PLA2G4E: variants seen among roughly 807,000 people sequenced by gnomAD.
PLA2G4E encodes the protein cytosolic phospholipase A2 epsilon.
A neutral mutation model predicts 109.1 loss-of-function variants in PLA2G4E; 84 were observed. The ratio of observed to expected loss-of-function variants is 0.77; its 90% CI spans 0.65 to 0.92. PLA2G4E has a LOEUF of 0.92. PLA2G4E is among the 40% of genes least tolerant of loss of function. The probability of loss-of-function intolerance (pLI) is 0.00; values close to 1 mark genes in which losing one functional copy is unlikely to be tolerated. For synonymous variants in PLA2G4E, 469 were observed against 436.1 expected (o/e 1.08, Z -0.94); for missense variants, 1,057 against 1,076.6 (o/e 0.98, Z 0.25).
In PLA2G4E at chr15:41,984,364, ACT is replaced by A. The variant is rs921797279; in HGVS notation, c.2386+70_2386+71del. The A allele has an allele frequency of 4.8e-6, 7 of 1,456,480 alleles. No individual in the cohort carries two copies. In the African/African-American group the frequency reaches 9.9e-5, roughly 21 times the overall value. 90.2% of individuals were successfully genotyped at this position (1,456,480 alleles called of 1,614,324 possible). A position where few individuals can be genotyped will look rare whatever the true frequency, so the allele number is the denominator to read the frequency against. ...GGCTTCCCCGTTAGTGCCCTTAGAG[ACT>A]CTACAGATCTAAAGGCATTCCCGGG... On this transcript the variant is annotated intron_variant, in intron 19 of 19. Coordinates refer to ENST00000399518, the Ensembl canonical transcript of PLA2G4E.
exon 15 of PLA2G4E, chr15:41,989,421 T>G: frequency 6.2e-7 from 1 of 1,613,950 alleles, no homozygotes; most frequent in African/African-American, 1.3e-5. Context: ...TCACCTAGCA[T>G]GTAGCAGATT....
chr15:42,044,619 C>T (rs891424435), intron 1 of PLA2G4E, among the ~76,000 whole-genome samples: 5 of 107,540 alleles, frequency 4.6e-5, no homozygotes, highest in African/African-American at 1.5e-4. Flanking sequence ...GAACATCACA[C>T]ACTGGGGCCT....
chr15:41,984,605 G>A lies in PLA2G4E; in HGVS notation c.2217C>T (p.Thr739=), dbSNP rs116431025. The A allele has an allele frequency of 1.2e-3, 1,972 of 1,606,474 alleles. 20 individuals are homozygous for A. The African/African-American group carries it at 0.023, about 19-fold the overall frequency. The change falls in exon 19 of 20, where the codon ACC becomes ACT. Residue 739 remains threonine (T), a synonymous_variant. Coordinates refer to ENST00000399518, the Ensembl canonical transcript of PLA2G4E. ...TGTTCTGCACAGTGCAGTACTCACA[G>A]GTTTGTTTCAGGGGCTGGAACAGCA...
intron 14 of PLA2G4E, 28 bp from the exon 15 acceptor site, chr15:41,989,580 C>A: frequency 6.2e-7 from 1 of 1,602,600 alleles, no homozygotes; most frequent in South Asian, 1.1e-5. Context: ...GGACGGGGGT[C>A]AGTCTCAGGC....
intron 1 of PLA2G4E, among the ~76,000 whole-genome samples, chr15:42,031,681 A>G (rs1889116888): frequency 6.6e-6 from 1 of 152,104 alleles, no homozygotes; most frequent in Non-Finnish European, 1.5e-5. Context: ...ACCCACAACT[A>G]GACTCTGCCA....
At chr15:42,013,724 T>C in exon 2 of PLA2G4E, 1 of 1,550,562 alleles carries the variant, frequency 6.4e-7, no homozygotes. Flanking sequence ...CGGATGACCC[T>C]CACTGTCAAC....
chr15:42,041,768 G>T lies in PLA2G4E; in HGVS notation c.183+8753C>A, dbSNP rs184669860. 7.2e-5 allele frequency among the ~76,000 whole-genome samples: 11 copies of T among 152,308 alleles called. 1 individual carries two copies. In the South Asian group the frequency reaches 2.3e-3, roughly 32 times the overall value. On this transcript the variant is annotated intron_variant, in intron 1 of 19. Coordinates refer to ENST00000399518, the Ensembl canonical transcript of PLA2G4E. ...TTTGAGGGGAACTGGCTCTGTGTGTGTGTGTGGAGGGACAGAGCTGCATCA... is the reference window on the plus strand; with the variant it reads ...TTTGAGGGGAACTGGCTCTGTGTGTTTGTGTGGAGGGACAGAGCTGCATCA...
intron 14 of PLA2G4E, 60 bp from the exon 15 acceptor site, chr15:41,989,612 G>A (rs890595768): frequency 3.0e-5 from 47 of 1,552,740 alleles, no homozygotes; most frequent in East Asian, 4.8e-5. Flanking sequence ...CCACACAGCC[G>A]GGCCCCCCTC....
At position 41,989,407 on chromosome 15, in the gene PLA2G4E, G is replaced by A. The variant is rs989875119; in HGVS notation, c.1723+8C>T. The A allele has an allele frequency of 1.2e-6, 2 of 1,613,756 alleles. No homozygotes were observed. Among genetic ancestry groups the A allele is most frequent in the African/African-American group, 2.7e-5 (2 of 74,934 alleles). On this transcript the variant is annotated splice_region_variant and intron_variant, in intron 15 of 19. Coordinates refer to ENST00000399518, the Ensembl canonical transcript of PLA2G4E. ...CCCCTGTCATTCCGCCAGTTGCAAG[G>A]CAGTCACCTAGCATGTAGCAGATTC... is the stretch of plus-strand genomic sequence containing the variant.
exon 13 of PLA2G4E, chr15:41,992,792 C>T (rs755206760): frequency 1.2e-6 from 2 of 1,613,574 alleles, no homozygotes; most frequent in East Asian, 4.5e-5. Context: ...AAAGGTGACC[C>T]TGTAGCCTTC....
At chr15:42,043,511 T>C (rs1036638622) in intron 1 of PLA2G4E, among the ~76,000 whole-genome samples, 14 of 130,174 alleles carry the variant, frequency 1.1e-4, no homozygotes, top group African/African-American at 4.1e-4. Flanking sequence ...CACCTGCTAA[T>C]AGACACATCC....
At chr15:41,989,047 A>C (rs1328198211) in intron 15 of PLA2G4E, among the ~76,000 whole-genome samples, 1 of 152,274 alleles carries the variant, frequency 6.6e-6, no homozygotes, top group East Asian at 1.9e-4. Context: ...AGGCTGGGCT[A>C]GGCTTCTCTG....
intron 1 of PLA2G4E, among the ~76,000 whole-genome samples, chr15:42,016,873 G>A (rs2068600511): frequency 6.6e-6 from 1 of 152,214 alleles, no homozygotes; most frequent in Admixed American, 6.5e-5. Context: ...CCGGAGACTT[G>A]GGCCAAAAGC....
rs761159460 is a variant in PLA2G4E at position 41,999,607 on chromosome 15, G to A, written c.937-46C>T. 1.9e-6 allele frequency: 3 copies of A among 1,601,900 alleles called. No individual in the cohort carries two copies. In the East Asian group the frequency reaches 6.7e-5, roughly 36 times the overall value. On this transcript the variant is annotated intron_variant, in intron 9 of 19. Coordinates refer to ENST00000399518, the Ensembl canonical transcript of PLA2G4E. Reference sequence around the variant, plus strand: ...AGCTTGTCAGAGGTGACAATTCAGAGCCAAGTGATCCCAGATCCACACTGT... The same window carrying A: ...AGCTTGTCAGAGGTGACAATTCAGAACCAAGTGATCCCAGATCCACACTGT...
intron 1 of PLA2G4E, among the ~76,000 whole-genome samples, chr15:42,033,117 A>G (rs113839491): frequency 2.3e-3 from 346 of 152,056 alleles, no homozygotes; most frequent in Non-Finnish European, 3.7e-3. Flanking sequence ...GTGTGAGAGT[A>G]CTTGGGAGCG....
rs559196896 is a variant in PLA2G4E at position 42,046,094 on chromosome 15, A to G, written c.183+4427T>C. 6.6e-5 allele frequency among the ~76,000 whole-genome samples: 10 copies of G among 152,182 alleles called. No homozygotes were observed. In the South Asian group the frequency reaches 1.9e-3, roughly 28 times the overall value. The stretch of plus-strand genomic sequence containing the variant: ...GGAAACCCAGAATCCATCCACTCCT[A>G]CTGTCCAATGCTACCACCCCTAACC... On this transcript the variant is annotated intron_variant, in intron 1 of 19. Transcript: ENST00000399518.
chr15:42,048,566 C>A (rs1889455418), intron 1 of PLA2G4E, among the ~76,000 whole-genome samples: 1 of 152,208 alleles, frequency 6.6e-6, no homozygotes, highest in Non-Finnish European at 1.5e-5. Flanking sequence ...ATGGGTACAG[C>A]CTCATATGTG....
exon 20 of PLA2G4E, chr15:41,983,803 C>G (rs368649712): frequency 6.2e-7 from 1 of 1,608,842 alleles, no homozygotes; most frequent in East Asian, 2.2e-5. Flanking sequence ...CACTGCGAGC[C>G]GCAGAGCCTG....
At chr15:41,985,776 G>T in intron 18 of PLA2G4E, 63 bp downstream of exon 18, 1 of 1,531,372 alleles carries the variant, frequency 6.5e-7, no homozygotes, top group South Asian at 1.2e-5. Flanking sequence ...TGAGGCCACT[G>T]ACTGCGGGGC....
Sources: gnomAD v4.1 joint callset for allele counts (sites outside exome capture counted in the v4.1 genomes callset) on GRCh38, gnomAD v4.1.1 for gene constraint, MANE v1.5 for transcripts, NCBI Gene and HGNC (gene_info 2026-07-23, HGNC 2026-07-21) for gene names.